Variants in DRC11 observed in about 807,000 individuals in gnomAD.
DRC11 encodes IQ and AAA domain-containing protein 1.
the DRC11 span, among the ~76,000 whole-genome samples, chr2:236,347,515 T>TGG: frequency 7.0e-6 from 1 of 142,724 alleles, no homozygotes; most frequent in African/African-American, 2.5e-5. Flanking sequence ...GTGCTATATA[T>TGG]ATATATATAT....
chr2:236,395,184 C>G, the DRC11 span, among the ~76,000 whole-genome samples: 1 of 151,986 alleles, frequency 6.6e-6, no homozygotes, highest in Admixed American at 6.6e-5. Context: ...AGAGGTGAGG[C>G]CAAAGTTCAA....
At chr2:236,395,001 T>C in the DRC11 span, among the ~76,000 whole-genome samples, 1 of 152,236 alleles carries the variant, frequency 6.6e-6, no homozygotes, top group Non-Finnish European at 1.5e-5. Context: ...ATGGCTAATG[T>C]GGGCTTACAA....
At chr2:236,439,334 G>GT in the DRC11 span, among the ~76,000 whole-genome samples, 6 of 151,962 alleles carry the variant, frequency 3.9e-5, no homozygotes, top group African/African-American at 1.4e-4. Context: ...GACTATTATA[G>GT]TTTTTTAAAA....
the DRC11 span, chr2:236,392,234 G>T: frequency 6.5e-7 from 1 of 1,547,938 alleles, no homozygotes. This position sits in a 1 kb window ranked among gnomAD's most constrained non-coding sequence, Gnocchi z 5.1. Flanking sequence ...CACCATAAAC[G>T]TAGCTGTACC....
chr2:236,310,799 C>T, the DRC11 span, among the ~76,000 whole-genome samples: 1 of 152,122 alleles, frequency 6.6e-6, no homozygotes, highest in Non-Finnish European at 1.5e-5. The surrounding 1 kb of genome is among the most constrained non-coding windows in gnomAD (Gnocchi z 5.5). Context: ...AAAAGCTAGG[C>T]GAGGGTATTT....
At chr2:236,312,603 GA>G in the DRC11 span, among the ~76,000 whole-genome samples, 1 of 151,312 alleles carries the variant, frequency 6.6e-6, no homozygotes, top group East Asian at 1.9e-4. Flanking sequence ...ATAGTGAAAA[GA>G]AAAAAGTAAA....
At chr2:236,408,186 G>A in the DRC11 span, 25 of 741,140 alleles carry the variant, frequency 3.4e-5, no homozygotes, top group African/African-American at 6.9e-5. The surrounding 1 kb of genome is among the most constrained non-coding windows in gnomAD (Gnocchi z 5.5). Flanking sequence ...TCAGTTTGTC[G>A]TCCTTGATAA....
At chr2:236,407,529 T>A in the DRC11 span, among the ~76,000 whole-genome samples, 1 of 152,176 alleles carries the variant, frequency 6.6e-6, no homozygotes, top group Non-Finnish European at 1.5e-5. Context: ...CAATACCTTA[T>A]AATGAATGAA....
the DRC11 span, among the ~76,000 whole-genome samples, chr2:236,320,169 G>A: frequency 9.0e-4 from 137 of 152,356 alleles, no homozygotes; most frequent in African/African-American, 3.2e-3. Context: ...GGTTTCAGGT[G>A]CTTTCACACA....
the DRC11 span, among the ~76,000 whole-genome samples, chr2:236,320,770 G>A: frequency 6.6e-6 from 1 of 152,178 alleles, no homozygotes; most frequent in Non-Finnish European, 1.5e-5. Flanking sequence ...ATGGCCCAGG[G>A]CGGCTGAGGC....
chr2:236,437,031 G>A, the DRC11 span, among the ~76,000 whole-genome samples: 8 of 151,294 alleles, frequency 5.3e-5, no homozygotes, highest in Admixed American at 4.6e-4. Flanking sequence ...ATGCTGGTGT[G>A]CTGCACCCAC....
chr2:236,426,442 C>G, the DRC11 span, among the ~76,000 whole-genome samples: 74 of 150,714 alleles, frequency 4.9e-4, 2 homozygotes, highest in African/African-American at 1.7e-3. This position sits in a 1 kb window ranked among gnomAD's most constrained non-coding sequence, Gnocchi z 4.1. Flanking sequence ...AGAGAGTTCA[C>G]TGTTAGTGTA....
chr2:236,486,624 T>A, the DRC11 span, among the ~76,000 whole-genome samples: 1 of 152,222 alleles, frequency 6.6e-6, no homozygotes, highest in Middle Eastern at 3.2e-3. The surrounding 1 kb of genome is among the most constrained non-coding windows in gnomAD (Gnocchi z 5.7). Context: ...GCATTCTGCA[T>A]CTTGCACAGA....
At chr2:236,371,241 T>C in the DRC11 span, among the ~76,000 whole-genome samples, 1 of 152,246 alleles carries the variant, frequency 6.6e-6, no homozygotes, top group South Asian at 2.1e-4. This position sits in a 1 kb window ranked among gnomAD's most constrained non-coding sequence, Gnocchi z 5.1. Flanking sequence ...TTTGCAGTGC[T>C]GGCCTCTGGA....
the DRC11 span, among the ~76,000 whole-genome samples, chr2:236,490,426 C>G: frequency 1.3e-5 from 2 of 152,216 alleles, no homozygotes; most frequent in Admixed American, 1.3e-4. The surrounding 1 kb of genome is among the most constrained non-coding windows in gnomAD (Gnocchi z 5.5). Flanking sequence ...TTTCACATAA[C>G]AATCCCTCTG....
chr2:236,335,925 CAT>C, the DRC11 span, among the ~76,000 whole-genome samples: 1 of 152,068 alleles, frequency 6.6e-6, no homozygotes, highest in Non-Finnish European at 1.5e-5. This position sits in a 1 kb window ranked among gnomAD's most constrained non-coding sequence, Gnocchi z 5.6. Context: ...CCCCTTCATC[CAT>C]GTTTCTCATT....
chr2:236,309,826 C>T, the DRC11 span, among the ~76,000 whole-genome samples: 1 of 152,204 alleles, frequency 6.6e-6, no homozygotes, highest in Non-Finnish European at 1.5e-5. This position sits in a 1 kb window ranked among gnomAD's most constrained non-coding sequence, Gnocchi z 5.7. Flanking sequence ...CCTCATCCAG[C>T]TCTCACCGTG....
At chr2:236,494,470 G>C in the DRC11 span, among the ~76,000 whole-genome samples, 4 of 152,006 alleles carry the variant, frequency 2.6e-5, no homozygotes, top group Non-Finnish European at 4.4e-5. This position sits in a 1 kb window ranked among gnomAD's most constrained non-coding sequence, Gnocchi z 4.2. Flanking sequence ...AACCAGTGGG[G>C]GTTCAGATGA....
At chr2:236,358,083 A>G in the DRC11 span, among the ~76,000 whole-genome samples, 169 of 120,752 alleles carry the variant, frequency 1.4e-3, 1 homozygote, top group African/African-American at 4.8e-3. Flanking sequence ...TTTATAATAT[A>G]TAGATATATA....
Sources: allele counts gnomAD v4.1 joint callset (sites outside exome capture counted in the v4.1 genomes callset), GRCh38; gene constraint gnomAD v4.1.1; non-coding constraint Gnocchi (gnomAD v3.1); transcripts MANE v1.5; gene names NCBI Gene and HGNC (gene_info 2026-07-23, HGNC 2026-07-21).